Variants in WHRN observed in about 807,000 individuals in gnomAD.
WHRN encodes the protein CASK-interacting protein CIP98.
Under a neutral mutation model 68.3 loss-of-function variants are expected in WHRN, and 41 were observed. That is an observed-to-expected ratio of 0.60 (90% CI 0.47 to 0.78). The LOEUF (loss-of-function observed/expected upper bound fraction) is 0.78. Among genes scored for constraint, WHRN ranks in the 30% least tolerant of loss-of-function variants. The pLI, the probability that WHRN is intolerant of heterozygous loss-of-function variation, is 0.00. For synonymous variants in WHRN, 560 were observed against 561.3 expected (o/e 1.00, Z 0.03); for missense variants, 1,243 against 1,244.7 (o/e 1.00, Z 0.02).
intron 1 of WHRN, among the ~76,000 whole-genome samples, chr9:114,496,435 C>T (rs1843465786): frequency 6.6e-6 from 1 of 152,210 alleles, no homozygotes; most frequent in South Asian, 2.1e-4. Context: ...ATATTGACTA[C>T]ATTCAGTAAA....
rs1304760697 is a variant in WHRN, at chr9:114,469,138, A to G, written c.838-2746T>C. 2.6e-5 allele frequency among the ~76,000 whole-genome samples: 4 copies of G among 152,124 alleles called. No individual in the cohort carries two copies. The East Asian group carries it at 7.7e-4, about 29-fold the overall frequency. ...GCGTAGGGTCGTGGCTGGCACAGGG[A>G]AGCACTAGGAAACAGTGGCTGTCGT... On this transcript the variant is annotated intron_variant, in intron 2 of 11. Transcript: ENST00000362057.
rs574344151 is a variant in WHRN, at chr9:114,453,783, CCAGA to C, written c.963+12480_963+12483del. Among the ~76,000 whole-genome samples the C allele has an allele frequency of 4.8e-3, 734 of 152,170 alleles. 4 individuals are homozygous for C. The highest frequency in any genetic ancestry group is 8.5e-3 in the Non-Finnish European group (580 of 67,998). On this transcript the variant is annotated intron_variant, in intron 3 of 11. Transcript: ENST00000362057. Reference sequence around the variant, plus strand: ...TCATCTCCCCCAAAAAAACTCAAGCCCAGACACTTTCATGAATGACTTCCCAACT... The same window carrying C: ...TCATCTCCCCCAAAAAAACTCAAGCCCACTTTCATGAATGACTTCCCAACT...
chr9:114,463,273 T>G (rs1465067188), intron 3 of WHRN, among the ~76,000 whole-genome samples: 1 of 152,240 alleles, frequency 6.6e-6, no homozygotes, highest in Admixed American at 6.5e-5. Context: ...TGCCTGTAGC[T>G]GGGTCTGAAC....
chr9:114,417,425 C>T lies in WHRN; in HGVS notation c.1626+5889G>A, dbSNP rs112289249. On this transcript the variant is annotated intron_variant, in intron 7 of 11. Coordinates refer to ENST00000362057, the MANE Select transcript of WHRN (RefSeq NM_015404.4). ...ATGTGGGAGGCGAATGTTTAGAAGG[C>T]CGCATAGTAGAAGATAATCCTGCAA... Among the ~76,000 whole-genome samples, 1,068 of 152,316 alleles carry T rather than the reference C, an allele frequency of 7.0e-3. 11 individuals are homozygous for T. The highest frequency in any genetic ancestry group is 0.036 in the East Asian group (187 of 5,184).
At chr9:114,410,678 AG>A (rs1432828415) in intron 7 of WHRN, among the ~76,000 whole-genome samples, 1 of 152,222 alleles carries the variant, frequency 6.6e-6, no homozygotes, top group Non-Finnish European at 1.5e-5. Flanking sequence ...ATGATGCTTC[AG>A]GGGCATAGTC....
intron 4 of WHRN, chr9:114,425,892 T>C (rs1836807258): frequency 4.8e-6 from 2 of 420,878 alleles, no homozygotes; most frequent in Non-Finnish European, 8.9e-6. Flanking sequence ...CTCTTTCATC[T>C]GCACAGATCT....
intron 3 of WHRN, among the ~76,000 whole-genome samples, chr9:114,458,720 C>T (rs145396779): frequency 6.6e-6 from 1 of 152,212 alleles, no homozygotes; most frequent in East Asian, 1.9e-4. Flanking sequence ...GCACCTAGAT[C>T]TGTGTCTGCA....
chr9:114,461,392 G>A (rs1840233123), intron 3 of WHRN, among the ~76,000 whole-genome samples: 1 of 152,202 alleles, frequency 6.6e-6, no homozygotes, highest in Admixed American at 6.5e-5. Context: ...ATGAAATCCT[G>A]TTAGCTATGT....
intron 2 of WHRN, among the ~76,000 whole-genome samples, chr9:114,469,249 G>A (rs1471409427): frequency 6.6e-6 from 1 of 152,218 alleles, no homozygotes; most frequent in African/African-American, 2.4e-5. Flanking sequence ...GATGACTGTG[G>A]GCTGCTGTGC....
At chr9:114,479,233 C>T (rs1196725267) in intron 1 of WHRN, among the ~76,000 whole-genome samples, 2 of 152,174 alleles carry the variant, frequency 1.3e-5, no homozygotes, top group African/African-American at 2.4e-5. Context: ...TAGACAGGGT[C>T]TATGTCTACC....
chr9:114,424,355 C>T lies in WHRN; in HGVS notation c.1395G>A (p.Lys465=), dbSNP rs755646405. ...SVEALVMALF[K]LLNTHAKFSL... is the part of the protein sequence containing the mutation. ...TCACCTTGGCGTGGGTGTTGAGCAG[C>T]TTGAACAGGGCCATGACGAGGGCCT... The change falls in exon 6 of 12, where the codon AAG becomes AAA. Residue 465 remains lysine, a synonymous_variant. Coordinates refer to ENST00000362057, the MANE Select transcript of WHRN (RefSeq NM_015404.4). 3 of 1,612,198 alleles carry T rather than the reference C, an allele frequency of 1.9e-6. No individual in the cohort carries two copies. The highest frequency in any genetic ancestry group is 2.7e-5 in the African/African-American group (2 of 74,864).
chr9:114,425,112 A>G, intron 4 of WHRN, 88 bp from the exon 5 acceptor site: 2 of 1,355,182 alleles, frequency 1.5e-6, no homozygotes, highest in Non-Finnish European at 2.1e-6. Context: ...GGGCAGGAAG[A>G]GCAAAGCTTC....
chr9:114,491,706 G>A (rs1678676897), intron 1 of WHRN: 2 of 257,612 alleles, frequency 7.8e-6, no homozygotes, highest in South Asian at 7.8e-5. Context: ...AGCAGAAGGA[G>A]AAAAAGGCAA....
At chr9:114,436,386 C>G (rs1406803172) in intron 3 of WHRN, among the ~76,000 whole-genome samples, 1 of 152,148 alleles carries the variant, frequency 6.6e-6, no homozygotes, top group Non-Finnish European at 1.5e-5. Context: ...ATTTGCTCAT[C>G]AACTGTAACA....
chr9:114,406,229 C>T (rs906123554), intron 9 of WHRN, 126 bp downstream of exon 9: 51 of 1,354,242 alleles, frequency 3.8e-5, no homozygotes, highest in African/African-American at 1.1e-4. Context: ...CAACTCCCTT[C>T]GCCACTCTGG....
intron 3 of WHRN, among the ~76,000 whole-genome samples, chr9:114,463,406 G>A (rs1378604094): frequency 6.6e-6 from 1 of 152,140 alleles, no homozygotes; most frequent in Non-Finnish European, 1.5e-5. Flanking sequence ...TTTAGAAACT[G>A]TCTCTAATCT....
At chr9:114,428,732 G>A (rs967799343) in intron 3 of WHRN, among the ~76,000 whole-genome samples, 5 of 152,132 alleles carry the variant, frequency 3.3e-5, no homozygotes, top group South Asian at 4.1e-4. Flanking sequence ...CCTGCCTGCA[G>A]CAGCCAGATC....
chr9:114,466,537 C>A, intron 2 of WHRN, 145 bp from the exon 3 acceptor site: 1 of 1,184,706 alleles, frequency 8.4e-7, no homozygotes, highest in East Asian at 2.4e-5. Flanking sequence ...GGAAGATACC[C>A]TAGAACATTC....
At chr9:114,503,080 C>T (rs1844070680) in intron 1 of WHRN, 1 of 965,970 alleles carries the variant, frequency 1.0e-6, no homozygotes, top group Non-Finnish European at 1.2e-6. Flanking sequence ...ATCAGGTGCA[C>T]AGCCAGGGAG....
Sources: allele counts gnomAD v4.1 joint callset (sites outside exome capture counted in the v4.1 genomes callset), GRCh38; gene constraint gnomAD v4.1.1; transcripts MANE v1.5; gene names NCBI Gene and HGNC (gene_info 2026-07-23, HGNC 2026-07-21).